The following NTM variants were observed in gnomAD, a reference collection of about 807,000 sequenced individuals.
The protein encoded by NTM is neurotrimin, also known as IgLON family member 2.
In NTM, 13 loss-of-function variants were observed where a neutral mutation model predicts 42.1. The observed-to-expected ratio is 0.31, with a 90% CI of 0.20 to 0.49. The LOEUF (loss-of-function observed/expected upper bound fraction) is 0.49, where lower values mean the gene tolerates loss of function less well. Among genes scored for constraint, NTM ranks in the 20% least tolerant of loss-of-function variants. The pLI is 0.99. For missense variants in NTM, 373 were observed against 452.8 expected (o/e 0.82, Z 1.60); for synonymous variants, 187 against 179.2 (o/e 1.04, Z -0.35).
At chr11:131,798,859 G>A (rs185945020) in intron 1 of NTM, among the ~76,000 whole-genome samples, 1 of 152,164 alleles carries the variant, frequency 6.6e-6, no homozygotes, top group African/African-American at 2.4e-5. Context: ...GGAAGCAGAT[G>A]GTAACGCCCA....
intron 2 of NTM, among the ~76,000 whole-genome samples, chr11:132,095,657 C>T (rs1030917360): frequency 6.6e-6 from 1 of 152,196 alleles, no homozygotes; most frequent in Non-Finnish European, 1.5e-5. Context: ...GCTCAGGACT[C>T]CATCCCCCAG....
At chr11:131,823,107 G>T (rs565472893) in intron 1 of NTM, among the ~76,000 whole-genome samples, 7 of 152,172 alleles carry the variant, frequency 4.6e-5, no homozygotes, top group African/African-American at 1.7e-4. Flanking sequence ...GCACGTCTAC[G>T]TTAGTGTTAG....
chr11:131,540,055 G>T (rs1256565942), intron 1 of NTM, among the ~76,000 whole-genome samples: 1 of 151,854 alleles, frequency 6.6e-6, no homozygotes, highest in Admixed American at 6.6e-5. Context: ...GGAACATGCT[G>T]TGGAGTCCCT....
chr11:131,635,728 T>A (rs754568311), intron 1 of NTM, among the ~76,000 whole-genome samples: 1 of 152,194 alleles, frequency 6.6e-6, no homozygotes, highest in Non-Finnish European at 1.5e-5. Flanking sequence ...GTGTTTATAA[T>A]GTGTACAGTA....
chr11:131,609,057 C>A (rs1287709832), intron 1 of NTM, among the ~76,000 whole-genome samples: 2 of 152,150 alleles, frequency 1.3e-5, no homozygotes, highest in Non-Finnish European at 2.9e-5. Context: ...TTAAAAATAA[C>A]AAAACTGGGG....
At chr11:131,756,625 C>T (rs931329621) in intron 1 of NTM, among the ~76,000 whole-genome samples, 1 of 151,934 alleles carries the variant, frequency 6.6e-6, no homozygotes, top group African/African-American at 2.4e-5. Flanking sequence ...GAGATCCAGG[C>T]GGTGGTGAGC....
intron 1 of NTM, among the ~76,000 whole-genome samples, chr11:131,748,292 C>G (rs1374789759): frequency 6.6e-6 from 1 of 152,210 alleles, no homozygotes; most frequent in African/African-American, 2.4e-5. Flanking sequence ...CACGCAGTCA[C>G]CAGGACTGTG....
rs867057074 is a variant in NTM at position 131,530,447 on chromosome 11, T to A, written c.82+159559T>A. 5.5e-4 allele frequency among the ~76,000 whole-genome samples: 72 copies of A among 130,078 alleles called. No homozygotes were observed. In the Middle Eastern group the frequency reaches 0.02, roughly 36 times the overall value. The allele number at this position is 130,078 out of a possible 152,430, so 85.3% of individuals were successfully genotyped here. A position where few individuals can be genotyped will look rare whatever the true frequency, so the allele number is the denominator to read the frequency against. On this transcript the variant is annotated intron_variant, in intron 1 of 8. Coordinates refer to ENST00000683400, the MANE Select transcript of NTM (RefSeq NM_001352005.2). ...TCTCAAAAAAAAAAAAAAAAAAGAC[T>A]GACCAGTTCTTTTACTGGGGGACTT...
intron 1 of NTM, among the ~76,000 whole-genome samples, chr11:131,759,643 A>T (rs568656691): frequency 6.6e-6 from 1 of 152,188 alleles, no homozygotes; most frequent in African/African-American, 2.4e-5. Context: ...CTTCCGTGGG[A>T]AGCTAGTTGC....
At chr11:131,682,586 C>T (rs2073142342) in intron 1 of NTM, among the ~76,000 whole-genome samples, 1 of 152,218 alleles carries the variant, frequency 6.6e-6, no homozygotes, top group African/African-American at 2.4e-5. Context: ...GGCCTTAAAC[C>T]CTGCAAAGTA....
chr11:131,915,268 C>T (rs1168909503), intron 2 of NTM, among the ~76,000 whole-genome samples: 2 of 152,196 alleles, frequency 1.3e-5, no homozygotes, highest in Non-Finnish European at 2.9e-5. Flanking sequence ...CTATTCAGGA[C>T]CCTTTGGATT....
intron 1 of NTM, among the ~76,000 whole-genome samples, chr11:131,620,012 C>G (rs1336166291): frequency 6.6e-6 from 1 of 151,996 alleles, no homozygotes; most frequent in African/African-American, 2.4e-5. Flanking sequence ...ACCATGTTGG[C>G]CAGGATGGTC....
intron 1 of NTM, among the ~76,000 whole-genome samples, chr11:131,652,897 G>T (rs988449551): frequency 6.6e-6 from 1 of 152,370 alleles, no homozygotes; most frequent in Non-Finnish European, 1.5e-5. Context: ...CCTTCAGAAA[G>T]CCACTTGGAA....
intron 1 of NTM, among the ~76,000 whole-genome samples, chr11:131,565,146 A>C (rs2056737416): frequency 6.6e-6 from 1 of 152,162 alleles, no homozygotes; most frequent in Non-Finnish European, 1.5e-5. Context: ...TCACCCCAAC[A>C]CTGTCCCCTG....
At chr11:131,781,671 G>T (rs767209500) in intron 1 of NTM, among the ~76,000 whole-genome samples, 2 of 152,164 alleles carry the variant, frequency 1.3e-5, no homozygotes, top group African/African-American at 2.4e-5. Flanking sequence ...CCCTTCAGCT[G>T]TAAGCAACTA....
At chr11:132,053,156 TTATCAGGGGG>T (rs1205727862) in intron 2 of NTM, among the ~76,000 whole-genome samples, 2 of 152,190 alleles carry the variant, frequency 1.3e-5, no homozygotes, top group East Asian at 1.9e-4. Context: ...TGCAATGGCC[TTATCAGGGGG>T]TAGCTGTCAT....
chr11:132,298,744 T>A (rs947463856), intron 4 of NTM, among the ~76,000 whole-genome samples: 3 of 152,230 alleles, frequency 2.0e-5, no homozygotes, highest in Non-Finnish European at 2.9e-5. Flanking sequence ...TTTCTACGTA[T>A]CTATAAAATG....
intron 2 of NTM, among the ~76,000 whole-genome samples, chr11:132,040,620 T>C (rs1229036201): frequency 4.6e-5 from 7 of 152,228 alleles, no homozygotes; most frequent in African/African-American, 1.4e-4. Flanking sequence ...CTCCTTATGC[T>C]AAGGGGTCTT....
intron 1 of NTM, among the ~76,000 whole-genome samples, chr11:131,424,756 A>T: frequency 7.9e-6 from 1 of 127,228 alleles, no homozygotes; most frequent in Non-Finnish European, 1.6e-5. Flanking sequence ...TTTTTAGTAG[A>T]GACAGGGTTT....
Sources: gnomAD v4.1 joint callset for allele counts (sites outside exome capture counted in the v4.1 genomes callset) on GRCh38, gnomAD v4.1.1 for gene constraint, MANE v1.5 for transcripts, NCBI Gene and HGNC (gene_info 2026-07-23, HGNC 2026-07-21) for gene names.